LRP1B: variants seen among roughly 807,000 people sequenced by gnomAD.
LRP1B encodes the protein low-density lipoprotein receptor-related protein 1B.
In LRP1B, 217 loss-of-function variants were observed where a neutral mutation model predicts 556.6. The observed-to-expected ratio is 0.39, with a 90% CI of 0.35 to 0.44. The LOEUF is 0.44. LRP1B is among the 20% of genes least tolerant of loss of function. LRP1B has a pLI of 1.00. For missense variants in LRP1B, 5,053 were observed against 5,620.8 expected, an observed-to-expected ratio of 0.90 and a Z score of 3.23; for synonymous variants, 2,047 against 1,865.8, an observed-to-expected ratio of 1.10 and a Z score of -2.50.
At chr2:141,440,612 T>C (rs976931659) in intron 3 of LRP1B, among the ~76,000 whole-genome samples, 3 of 152,246 alleles carry the variant, frequency 2.0e-5, no homozygotes, top group Non-Finnish European at 4.4e-5. Flanking sequence ...TTACTTCTAC[T>C]GTACAGTAGC....
chr2:141,331,064 G>T (rs995753598), intron 3 of LRP1B, among the ~76,000 whole-genome samples: 4 of 152,100 alleles, frequency 2.6e-5, no homozygotes, highest in African/African-American at 4.8e-5. Context: ...TAAGTTCAGG[G>T]TTCTACCTAA....
intron 1 of LRP1B, among the ~76,000 whole-genome samples, chr2:142,112,778 G>A (rs1707049268): frequency 6.6e-6 from 1 of 152,052 alleles, no homozygotes; most frequent in Non-Finnish European, 1.5e-5. Context: ...TCTATAGTAG[G>A]TACTCAAATA....
intron 41 of LRP1B, among the ~76,000 whole-genome samples, chr2:140,668,079 G>A (rs916351738): frequency 2.0e-5 from 3 of 152,022 alleles, no homozygotes; most frequent in Non-Finnish European, 4.4e-5. Flanking sequence ...TTGGGAGGCC[G>A]AGGCGGGTGG....
chr2:140,806,761 A>G (rs1287413823), intron 32 of LRP1B, among the ~76,000 whole-genome samples: 1 of 152,200 alleles, frequency 6.6e-6, no homozygotes, highest in Admixed American at 6.5e-5. Flanking sequence ...CATTTACACC[A>G]GCTCTTTCAT....
At chr2:140,565,578 A>G (rs1445785288) in intron 43 of LRP1B, among the ~76,000 whole-genome samples, 1 of 152,198 alleles carries the variant, frequency 6.6e-6, no homozygotes, top group African/African-American at 2.4e-5. Flanking sequence ...AGTTTAAAAT[A>G]AGTGGCAAGG....
intron 16 of LRP1B, 140 bp downstream of exon 16, chr2:140,993,855 T>C: frequency 1.3e-6 from 1 of 795,614 alleles, no homozygotes. Flanking sequence ...CTACTCTTTA[T>C]GCAAAAGGAT....
At chr2:141,317,963 C>T (rs1329547838) in intron 3 of LRP1B, among the ~76,000 whole-genome samples, 2 of 152,162 alleles carry the variant, frequency 1.3e-5, no homozygotes, top group Admixed American at 6.5e-5. Flanking sequence ...TAAAAATTAA[C>T]ATTTTAATCA....
intron 7 of LRP1B, 149 bp downstream of exon 7, chr2:141,188,272 T>A (rs1450478733): frequency 1.4e-6 from 1 of 734,682 alleles, no homozygotes; most frequent in Non-Finnish European, 2.2e-6. Flanking sequence ...TATAGCCTTT[T>A]TTCCTTCCTG....
At chr2:140,644,115 T>G (rs1162309376) in intron 41 of LRP1B, among the ~76,000 whole-genome samples, 4 of 152,214 alleles carry the variant, frequency 2.6e-5, no homozygotes, top group African/African-American at 9.6e-5. Context: ...TTTGGTCTGC[T>G]GCTATTACTT....
intron 2 of LRP1B, among the ~76,000 whole-genome samples, chr2:141,576,247 C>T (rs1450507637): frequency 2.0e-5 from 3 of 152,188 alleles, no homozygotes; most frequent in Non-Finnish European, 4.4e-5. Flanking sequence ...ACTATCCAGC[C>T]ATAAAAAGGA....
Position 140,700,393 on chromosome 2 carries a change from C to T in LRP1B, c.6656G>A (p.Arg2219His), listed in dbSNP as rs34694228. The change falls in exon 41 of 91, where the codon CGT becomes CAT. Residue 2219 changes from arginine to histidine, a missense_variant. Physicochemically the swap from Arg to His is conservative, Grantham distance 29. This residue lies in a region of LRP1B where 3,619 missense variants were observed against 3,931.9 expected (regional missense o/e 0.92). Transcript: ENST00000389484. ...CAAGGCTATGACATTCTTGAAATAA[C>T]GTGGATTCTCATATGGCCTTATTGG... is the stretch of plus-strand genomic sequence containing the variant. ...NSPIRPYENPRYFKNVIALAF... is the reference protein window; with the variant it reads ...NSPIRPYENPHYFKNVIALAF... 0.012 allele frequency: 19,556 copies of T among 1,613,246 alleles called. 730 individuals carry two copies. In the Admixed American group the frequency reaches 0.13, roughly 10 times the overall value.
chr2:141,672,832 C>T (rs1296747911), intron 2 of LRP1B, among the ~76,000 whole-genome samples: 2 of 152,022 alleles, frequency 1.3e-5, no homozygotes, highest in African/African-American at 2.4e-5. Flanking sequence ...AACTTTAAAC[C>T]AATGCAACCG....
At chr2:141,502,403 C>T (rs569145206) in intron 2 of LRP1B, among the ~76,000 whole-genome samples, 4 of 152,008 alleles carry the variant, frequency 2.6e-5, no homozygotes, top group Non-Finnish European at 5.9e-5. Context: ...TTGTATTTAA[C>T]CTTCATTTTT....
intron 35 of LRP1B, among the ~76,000 whole-genome samples, chr2:140,748,799 C>CATGTATATAATATATCATAT (rs1559094721): frequency 5.4e-5 from 1 of 18,446 alleles, no homozygotes; most frequent in Non-Finnish European, 1.1e-4. Flanking sequence ...ATATTATATA[C>CATGTATATAATATATCATAT]ATATTATATA....
intron 3 of LRP1B, among the ~76,000 whole-genome samples, chr2:141,263,909 G>A (rs1003744002): frequency 6.6e-6 from 1 of 152,030 alleles, no homozygotes; most frequent in African/African-American, 2.4e-5. Context: ...TGCCCAAAAA[G>A]CGTTTAATAA....
chr2:140,977,942 C>T (rs1247377025), intron 18 of LRP1B, among the ~76,000 whole-genome samples: 1 of 152,164 alleles, frequency 6.6e-6, no homozygotes, highest in Admixed American at 6.5e-5. Flanking sequence ...TGAGAACCAA[C>T]GTTAGTCTTA....
chr2:141,359,992 CAG>C (rs1301361020), intron 3 of LRP1B, among the ~76,000 whole-genome samples: 2 of 134,130 alleles, frequency 1.5e-5, no homozygotes, highest in African/African-American at 2.6e-5. Flanking sequence ...AGGTTAGAAA[CAG>C]GGAAGATAGA....
chr2:141,058,996 T>C lies in LRP1B; in HGVS notation c.1295A>G (p.Asp432Gly), dbSNP rs1234196298. The change falls in exon 9 of 91, where the codon GAT (aspartate) becomes GGT (glycine). Residue 432 changes from aspartate to glycine, a missense_variant. This residue lies in a region of LRP1B where 3,619 missense variants were observed against 3,931.9 expected (regional missense o/e 0.92). Coordinates refer to ENST00000389484, the MANE Select transcript of LRP1B (RefSeq NM_018557.3). ...GTTTATCCTTACGATATTGTAGTTA[T>C]CAGAATTGGTTGCATACAAATAATC... ...FEDYLYATNS[D>G]NYNIVRINRF... 2.5e-6 allele frequency: 4 copies of C among 1,593,114 alleles called. No homozygotes were observed. Among genetic ancestry groups the C allele is most frequent in the Admixed American group, 3.5e-5 (2 of 57,696 alleles).
intron 3 of LRP1B, among the ~76,000 whole-genome samples, chr2:141,375,391 T>C (rs1689389840): frequency 6.6e-6 from 1 of 151,634 alleles, no homozygotes; most frequent in African/African-American, 2.4e-5. Flanking sequence ...GCAGTGGGAG[T>C]GGTGGGCTGG....
Sources: gnomAD v4.1 joint callset for allele counts (sites outside exome capture counted in the v4.1 genomes callset) on GRCh38, gnomAD v4.1.1 for gene constraint, gnomAD v4.1.1 regional missense constraint, MANE v1.5 for transcripts, NCBI Gene and HGNC (gene_info 2026-07-23, HGNC 2026-07-21) for gene names.